The following ANAPC2 variants were observed in gnomAD, a reference collection of about 807,000 sequenced individuals.
ANAPC2 encodes anaphase-promoting complex subunit 2.
In ANAPC2, 29 loss-of-function variants were observed where a neutral mutation model predicts 84.3. That is an observed-to-expected ratio of 0.34 (90% confidence interval 0.26 to 0.47). The LOEUF is 0.47. Among genes scored for constraint, ANAPC2 ranks in the 20% least tolerant of loss-of-function variants. The probability of loss-of-function intolerance (pLI) is 1.00; values close to 1 mark genes in which losing one functional copy is unlikely to be tolerated. For missense variants in ANAPC2, 857 were observed against 1,131.7 expected (o/e 0.76, Z 3.48); for synonymous variants, 571 against 479.4 (o/e 1.19, Z -2.50).
rs1834508456 is a variant in ANAPC2, at chr9:137,187,718, G to C, written c.503C>G (p.Thr168Ser). Reference sequence around the variant, plus strand: ...CAGACGCTGGATCATCTCTTGGAAGGTTCTGGGGGTGCTAAAGAACAAGAC... The same window carrying C: ...CAGACGCTGGATCATCTCTTGGAAGCTTCTGGGGGTGCTAAAGAACAAGAC... Reference protein sequence around the residue: ...RGVLFFSTPRTFQEMIQRLYG... With the variant: ...RGVLFFSTPRSFQEMIQRLYG... Residue 168 changes from threonine to serine, a missense_variant, in exon 2 of 13, where the codon ACC becomes AGC. By Grantham distance (58) the Thr-to-Ser change is moderately conservative (BLOSUM62 1). Transcript: ENST00000323927. The C allele has an allele frequency of 6.2e-7, 1 of 1,613,826 alleles. No individual in the cohort carries two copies.
rs778782491 is a variant in ANAPC2, at chr9:137,175,324, G to A, written c.2169C>T (p.Asp723=). 13 of 1,612,682 alleles carry A rather than the reference G, an allele frequency of 8.1e-6. 1 individual carries two copies. In the South Asian group the frequency reaches 1.1e-4, roughly 14 times the overall value. ...FSVIEEERPQ[D]RDNMVLIDSD... is the part of the protein sequence containing the mutation. ...TGTCAATGAGCACCATGTTGTCCCGGTCCTGAGGCCGCTCCTCCTCAATGA... is the reference window on the plus strand; with the variant it reads ...TGTCAATGAGCACCATGTTGTCCCGATCCTGAGGCCGCTCCTCCTCAATGA... Residue 723 remains aspartate, a synonymous_variant, in exon 12 of 13, where the codon GAC becomes GAT. Coordinates refer to ENST00000323927, the MANE Select transcript of ANAPC2 (RefSeq NM_013366.4).
chr9:137,184,399 G>A (rs1834412786), intron 4 of ANAPC2, among the ~76,000 whole-genome samples: 1 of 149,586 alleles, frequency 6.7e-6, no homozygotes, highest in Non-Finnish European at 1.5e-5. Context: ...GGGGAGCCCA[G>A]ACGCAGACAC....
At chr9:137,187,333 G>T in intron 2 of ANAPC2, 148 bp downstream of exon 2, 2 of 1,014,492 alleles carry the variant, frequency 2.0e-6, no homozygotes, top group Non-Finnish European at 2.8e-6. Flanking sequence ...TCCAGGACAC[G>T]CTGCACAGGA....
At chr9:137,184,565 G>A (rs373185960) in intron 4 of ANAPC2, among the ~76,000 whole-genome samples, 3 of 143,674 alleles carry the variant, frequency 2.1e-5, no homozygotes, top group East Asian at 2.2e-4. Context: ...CAGACACAGG[G>A]AGCCCAGACG....
Position 137,184,973 on chromosome 9 carries a change from T to C in ANAPC2, c.988A>G (p.Arg330Gly). 4 of 1,612,338 alleles carry C rather than the reference T, an allele frequency of 2.5e-6. No homozygotes were observed. Among genetic ancestry groups the C allele is most frequent in the Non-Finnish European group, 3.4e-6 (4 of 1,179,600 alleles). ...CTGGCGTAGATGCGGTAGAAGAACCTTTGCACGTGGCAGCGCCAGCGGCGC... is the reference window on the plus strand; with the variant it reads ...CTGGCGTAGATGCGGTAGAAGAACCCTTGCACGTGGCAGCGCCAGCGGCGC... The part of the protein sequence containing the change: ...TLRRWRCHVQ[R>G]FFYRIYASLR... The change falls in exon 4 of 13, where the codon AGG becomes GGG. Residue 330 changes from arginine (R) to glycine (G), a missense_variant. Physicochemically the swap from Arg to Gly is moderately radical, Grantham distance 125. This residue lies in a region of ANAPC2 where 428 missense variants were observed against 513.8 expected (regional missense o/e 0.83). Coordinates refer to ENST00000323927, the MANE Select transcript of ANAPC2 (RefSeq NM_013366.4).
intron 6 of ANAPC2, among the ~76,000 whole-genome samples, chr9:137,182,426 GTGAACCCGGGAGGC>G (rs1234924775): frequency 6.6e-6 from 1 of 151,958 alleles, no homozygotes; most frequent in Non-Finnish European, 1.5e-5. Context: ...GGAGAATGGC[GTGAACCCGGGAGGC>G]GGAGCTTGCA....
chr9:137,175,823 G>A lies in ANAPC2; in HGVS notation c.1905C>T (p.Leu635=), dbSNP rs1474038568. Residue 635 remains leucine (L), a synonymous_variant, in exon 11 of 13, where the codon CTC becomes CTT. Coordinates refer to ENST00000323927, the MANE Select transcript of ANAPC2 (RefSeq NM_013366.4). ...CCAGGCCCAGGGTGTGCTTCCAACT[G>A]AGGGTCCGCATGGCCTAAGGAGGGC... ...KYEQLKAMRT[L]SWKHTLGLVT... The A allele has an allele frequency of 7.5e-6, 12 of 1,607,258 alleles. No homozygotes were observed. The highest frequency in any genetic ancestry group is 1.7e-5 in the Admixed American group (1 of 59,436).
rs1263377871 is a variant in ANAPC2, at chr9:137,184,947, G to A, written c.1014C>T (p.Ser338=). 2.5e-6 allele frequency: 4 copies of A among 1,612,662 alleles called. No individual in the cohort carries two copies. Among genetic ancestry groups the A allele is most frequent in the Non-Finnish European group, 3.4e-6 (4 of 1,179,734 alleles). ...VQRFFYRIYA[S]LRIEELFSIV... ...TGCTGAAGAGCTCCTCGATGCGCAG[G>A]CTGGCGTAGATGCGGTAGAAGAACC... The change falls in exon 4 of 13, where the codon AGC becomes AGT. Residue 338 remains serine, a synonymous_variant. Coordinates refer to ENST00000323927, the MANE Select transcript of ANAPC2 (RefSeq NM_013366.4).
chr9:137,187,132 G>C (rs117274180), intron 2 of ANAPC2: 1 of 276,872 alleles, frequency 3.6e-6, no homozygotes, highest in African/African-American at 2.1e-5. Context: ...TACAGGGCAA[G>C]GAATGTCGAC....
intron 1 of ANAPC2, 30 bp downstream of exon 1, chr9:137,188,386 C>T (rs1564380678): frequency 6.3e-7 from 1 of 1,589,732 alleles, no homozygotes; most frequent in Admixed American, 1.7e-5. Context: ...AAACTCCGCG[C>T]GGGGCCGCCC....
In ANAPC2 at chr9:137,180,376, C is replaced by T. The variant is rs779622196; in HGVS notation, c.1695G>A (p.Ala565=). 13 of 1,612,264 alleles carry T rather than the reference C, an allele frequency of 8.1e-6. No homozygotes were observed. The East Asian group carries it at 8.9e-5, about 11-fold the overall frequency. The change falls in exon 10 of 13, where the codon GCG becomes GCA. Residue 565 remains alanine (A), a synonymous_variant. Transcript: ENST00000323927. The stretch of plus-strand genomic sequence containing the variant: ...TGTTGGCATTGATGCGGCGGGAGTC[C>T]GCCATGTCCTGAGGAGGAGCCGGTG... The part of the protein sequence containing the change: ...HFCEVMLKDM[A]DSRRINANIR...
At position 137,180,539 on chromosome 9, in the gene ANAPC2, AGT is replaced by A. The variant is rs1430623868; in HGVS notation, c.1611-14_1611-13del. On this transcript the variant is annotated splice_polypyrimidine_tract_variant and intron_variant, in intron 8 of 12. Transcript: ENST00000323927. ...CGTTGCGGATCTCCCTGGAAAGACG[AGT>A]GTCTGGGCAGGGGGTCGTGATGAGC... The A allele has an allele frequency of 1.2e-6, 2 of 1,612,708 alleles. No individual in the cohort carries two copies. Among genetic ancestry groups the A allele is most frequent in the African/African-American group, 2.7e-5 (2 of 74,910 alleles).
At chr9:137,181,552 C>G (rs571273198) in intron 7 of ANAPC2, 129 bp downstream of exon 7, 1 of 1,084,766 alleles carries the variant, frequency 9.2e-7, no homozygotes, top group South Asian at 1.9e-5. Flanking sequence ...CCTTTGACAC[C>G]CTCAAGCCTC....
intron 10 of ANAPC2, 78 bp from the exon 11 acceptor site, chr9:137,175,915 T>C (rs957080001): frequency 6.7e-7 from 1 of 1,486,586 alleles, no homozygotes; most frequent in Admixed American, 2.3e-5. Context: ...CTGGTACCAG[T>C]GAGAAAGGGG....
chr9:137,180,711 G>T (rs578138904), intron 8 of ANAPC2, 77 bp downstream of exon 8: 1 of 1,579,738 alleles, frequency 6.3e-7, no homozygotes, highest in Non-Finnish European at 8.6e-7. Flanking sequence ...CAGGCACGGC[G>T]TCAGGGCCCT....
In ANAPC2 at chr9:137,183,156, C is replaced by T. The variant is rs1200643625; in HGVS notation, c.1255G>A (p.Val419Met). ...VLDPSMVILE[V>M]ACEPIRRYLR... is the part of the protein sequence containing the mutation. The stretch of plus-strand genomic sequence containing the variant: ...TAGCGGCGGATAGGCTCACAGGCCA[C>T]CTCCAGGATGACCATGGAAGGGTCC... Residue 419 changes from valine (V) to methionine (M), a missense_variant, in exon 6 of 13, where the codon GTG (valine) becomes ATG (methionine). By Grantham distance (21) the Val-to-Met change is conservative. Around this residue, in one of 3 missense-constraint regions of ANAPC2, gnomAD observed 425 missense variants for 595.5 expected, o/e 0.71. Coordinates refer to ENST00000323927, the MANE Select transcript of ANAPC2 (RefSeq NM_013366.4). 2.5e-6 allele frequency: 4 copies of T among 1,612,998 alleles called. No homozygotes were observed. Among genetic ancestry groups the T allele is most frequent in the Non-Finnish European group, 3.4e-6 (4 of 1,179,930 alleles).
chr9:137,187,167 G>A (rs1003544064), intron 2 of ANAPC2: 2 of 364,590 alleles, frequency 5.5e-6, no homozygotes, highest in Non-Finnish European at 1.0e-5. Flanking sequence ...TTCCTCCCCA[G>A]GATCGACAAA....
Position 137,175,426 on chromosome 9 carries a change from C to A in ANAPC2, c.2067G>T (p.Val689=). ...EELSKAVKMP[V]ALLRRRMSVW... is the part of the protein sequence containing the mutation. ...CGGACATCCGCCGCCGCAGCAGCGC[C>A]ACGGGCATCTTCACCGCCTTGCTCA... Residue 689 remains valine (V), a synonymous_variant, in exon 12 of 13, where the codon GTG becomes GTT. Transcript: ENST00000323927. 1 of 1,603,814 alleles carries A rather than the reference C, an allele frequency of 6.2e-7. No individual in the cohort carries two copies. The highest frequency in any genetic ancestry group is 8.5e-7 in the Non-Finnish European group (1 of 1,176,120).
Position 137,174,957 on chromosome 9 carries a change from G to A in ANAPC2, c.2454C>T (p.Pro818=). ...LVYSAGVYRL[P]KNCS ...GGGCGATGTGTCAGCTGCAGTTCTT[G>A]GGCAGGCGGTAGACGCCGGCCGAGT... Residue 818 remains proline, a synonymous_variant, in exon 13 of 13, where the codon CCC becomes CCT. Transcript: ENST00000323927. The surrounding 1 kb of genome is among the most constrained non-coding windows in gnomAD (Gnocchi z 6.1). 1 of 1,579,256 alleles carries A rather than the reference G, an allele frequency of 6.3e-7. No individual in the cohort carries two copies. The highest frequency in any genetic ancestry group is 2.3e-5 in the East Asian group (1 of 43,508).
Sources: allele counts gnomAD v4.1 joint callset (sites outside exome capture counted in the v4.1 genomes callset), GRCh38; gene constraint gnomAD v4.1.1; regional missense constraint gnomAD v4.1.1; non-coding constraint Gnocchi (gnomAD v3.1); transcripts MANE v1.5; gene names NCBI Gene and HGNC (gene_info 2026-07-23, HGNC 2026-07-21).